The following ASIC2 variants were observed in gnomAD, a reference collection of about 807,000 sequenced individuals.
ASIC2 encodes acid sensing ion channel subunit 2, also known as acid-sensing ion channel 2.
Under a neutral mutation model 57.3 loss-of-function variants are expected in ASIC2, and 25 were observed. The observed-to-expected ratio is 0.44, with a 90% CI of 0.32 to 0.61. The LOEUF is 0.61. Among genes scored for constraint, ASIC2 ranks in the 20% least tolerant of loss-of-function variants. The pLI is 0.06. For synonymous variants in ASIC2, 319 were observed against 307.5 expected (o/e 1.04, Z -0.39); for missense variants, 641 against 738.1 (o/e 0.87, Z 1.52).
At chr17:33,139,307 CT>C (rs1281628264) in intron 1 of ASIC2, among the ~76,000 whole-genome samples, 3 of 152,238 alleles carry the variant, frequency 2.0e-5, no homozygotes, top group Non-Finnish European at 4.4e-5. Context: ...CCTCTTCTGA[CT>C]GGAGTGAAAC....
intron 1 of ASIC2, among the ~76,000 whole-genome samples, chr17:33,546,135 A>ATG (rs1491152037): frequency 1.3e-5 from 2 of 150,246 alleles, no homozygotes; most frequent in Admixed American, 6.7e-5. Flanking sequence ...AAATATATAT[A>ATG]CACATATGTA....
intron 3 of ASIC2, among the ~76,000 whole-genome samples, chr17:33,066,635 C>G (rs1567732479): frequency 1.3e-5 from 2 of 152,078 alleles, no homozygotes; most frequent in Non-Finnish European, 2.9e-5. Context: ...ATTTGAAGAC[C>G]TATAGAGGAA....
chr17:33,595,771 C>T (rs940360063), intron 1 of ASIC2, among the ~76,000 whole-genome samples: 12 of 152,290 alleles, frequency 7.9e-5, no homozygotes, highest in South Asian at 2.1e-4. Context: ...AATGATGCAT[C>T]GTTTTCAGGA....
In ASIC2 at chr17:33,968,072, G is replaced by A. The variant is rs1233067416; in HGVS notation, c.555+187906C>T. On this transcript the variant is annotated intron_variant, in intron 1 of 9. Coordinates refer to the ASIC2 transcript ENST00000359872. ...GAGCCCAAGACTCTTGTCAATACCC[G>A]TATTGTGCCAAGGGTGGCAGACCCA... is the stretch of plus-strand genomic sequence containing the variant. 2.6e-5 allele frequency among the ~76,000 whole-genome samples: 4 copies of A among 152,140 alleles called. No individual in the cohort carries two copies. The East Asian group carries it at 5.8e-4, about 22-fold the overall frequency.
At chr17:33,748,916 C>T (rs1383208455) in intron 1 of ASIC2, among the ~76,000 whole-genome samples, 6 of 152,206 alleles carry the variant, frequency 3.9e-5, no homozygotes, top group Non-Finnish European at 7.3e-5. Context: ...CAACAGTCCA[C>T]GGAAACATCT....
At chr17:33,859,291 T>A (rs1384516808) in intron 1 of ASIC2, among the ~76,000 whole-genome samples, 1 of 152,172 alleles carries the variant, frequency 6.6e-6, no homozygotes, top group African/African-American at 2.4e-5. Flanking sequence ...AATTCCTAGT[T>A]CTATAGCACA....
At chr17:33,033,983 C>T (rs565993799) in intron 3 of ASIC2, among the ~76,000 whole-genome samples, 25 of 152,098 alleles carry the variant, frequency 1.6e-4, no homozygotes, top group African/African-American at 3.9e-4. Flanking sequence ...ATAGCGGAGA[C>T]GATGAGATGA....
At chr17:33,185,367 T>C (rs1906150049) in intron 1 of ASIC2, among the ~76,000 whole-genome samples, 1 of 152,110 alleles carries the variant, frequency 6.6e-6, no homozygotes, top group African/African-American at 2.4e-5. Flanking sequence ...CTACACATAA[T>C]GGAAAAAGTG....
At chr17:34,023,079 G>A (rs1180844553) in intron 1 of ASIC2, among the ~76,000 whole-genome samples, 1 of 152,038 alleles carries the variant, frequency 6.6e-6, no homozygotes, top group East Asian at 1.9e-4. Context: ...CATGCTTCCT[G>A]TACAGCCTGT....
At chr17:33,249,822 T>C (rs377268899) in intron 1 of ASIC2, among the ~76,000 whole-genome samples, 44 of 152,164 alleles carry the variant, frequency 2.9e-4, no homozygotes, top group African/African-American at 1.0e-3. Context: ...ACTCTGTAGG[T>C]TGGGGAAGCT....
intron 2 of ASIC2, among the ~76,000 whole-genome samples, chr17:33,093,323 G>A (rs924152818): frequency 6.6e-6 from 1 of 152,088 alleles, no homozygotes; most frequent in South Asian, 2.1e-4. Context: ...CCTCATATTT[G>A]TCTTATTGGC....
At chr17:33,839,854 G>A (rs976728648) in intron 1 of ASIC2, among the ~76,000 whole-genome samples, 1 of 152,180 alleles carries the variant, frequency 6.6e-6, no homozygotes, top group African/African-American at 2.4e-5. Context: ...CAGCACACCA[G>A]AGCCAGCCTT....
intron 1 of ASIC2, among the ~76,000 whole-genome samples, chr17:33,135,739 G>GCAATC (rs1276639206): frequency 2.6e-5 from 4 of 152,184 alleles, no homozygotes; most frequent in Admixed American, 2.0e-4. Context: ...AGGGGGGCTG[G>GCAATC]CAATCCTAGA....
intron 1 of ASIC2, among the ~76,000 whole-genome samples, chr17:33,497,373 G>A (rs1394083620): frequency 1.3e-5 from 2 of 152,184 alleles, no homozygotes; most frequent in African/African-American, 4.8e-5. Flanking sequence ...TTCCATGTAG[G>A]GTTCACCTTG....
At chr17:33,230,256 TG>T (rs771405174) in intron 1 of ASIC2, among the ~76,000 whole-genome samples, 2 of 152,272 alleles carry the variant, frequency 1.3e-5, no homozygotes, top group Non-Finnish European at 2.9e-5. Context: ...CTATGGGCTC[TG>T]ACTTCTGCTA....
chr17:34,006,975 A>G (rs1906547897), intron 1 of ASIC2, among the ~76,000 whole-genome samples: 1 of 152,214 alleles, frequency 6.6e-6, no homozygotes, highest in Admixed American at 6.5e-5. Flanking sequence ...TTTTACAGAG[A>G]TGAACAAGCT....
chr17:34,079,709 C>T (rs1048228945), intron 1 of ASIC2, among the ~76,000 whole-genome samples: 1 of 152,148 alleles, frequency 6.6e-6, no homozygotes, highest in African/African-American at 2.4e-5. Context: ...GAGTGAGCCA[C>T]CCAGGGTGCA....
At chr17:33,487,415 G>A (rs1398626388) in intron 1 of ASIC2, among the ~76,000 whole-genome samples, 1 of 152,192 alleles carries the variant, frequency 6.6e-6, no homozygotes, top group Non-Finnish European at 1.5e-5. Flanking sequence ...ACTGGCTTTG[G>A]AGTCAGAGGA....
At chr17:33,894,327 CTGCG>C (rs763612647) in intron 1 of ASIC2, among the ~76,000 whole-genome samples, 80 of 147,378 alleles carry the variant, frequency 5.4e-4, no homozygotes, top group African/African-American at 1.7e-3. Context: ...GAGAGAAGCT[CTGCG>C]TGCGTGCGTG....
Sources: allele counts gnomAD v4.1 joint callset (sites outside exome capture counted in the v4.1 genomes callset), GRCh38; gene constraint gnomAD v4.1.1; transcripts MANE v1.5; gene names NCBI Gene and HGNC (gene_info 2026-07-23, HGNC 2026-07-21).